CD72: variants seen among roughly 807,000 people sequenced by gnomAD.
CD72 encodes the protein CD72 molecule, also known as B-cell differentiation antigen CD72.
In CD72, 28 loss-of-function variants were observed where a neutral mutation model predicts 50.7. That is an observed-to-expected ratio of 0.55 (90% CI 0.41 to 0.76). CD72 has a LOEUF of 0.76. Among genes scored for constraint, CD72 ranks in the 30% least tolerant of loss-of-function variants. The pLI, the probability that CD72 is intolerant of heterozygous loss-of-function variation, is 0.00. For missense variants in CD72, 403 were observed against 420.6 expected, an observed-to-expected ratio of 0.96 and a Z score of 0.37; for synonymous variants, 176 against 171.2, an observed-to-expected ratio of 1.03 and a Z score of -0.22.
In CD72 at chr9:35,610,595, C is replaced by T. The variant is rs376879160; in HGVS notation, c.*22+7G>A. 1.2e-6 allele frequency: 2 copies of T among 1,608,642 alleles called. No individual in the cohort carries two copies. Among genetic ancestry groups the T allele is most frequent in the South Asian group, 2.2e-5 (2 of 90,468 alleles). ...CCCCATGCCTCAGCCCCATCCCTCACTCTTACCAACTCAGTGCAAAGGACT... is the reference window on the plus strand; with the variant it reads ...CCCCATGCCTCAGCCCCATCCCTCATTCTTACCAACTCAGTGCAAAGGACT... On this transcript the variant is annotated splice_region_variant and intron_variant, in intron 8 of 8. Coordinates refer to ENST00000259633, the MANE Select transcript of CD72 (RefSeq NM_001782.3).
At chr9:35,619,234 AGGT>A, upstream of CD72, among the ~76,000 whole-genome samples, 1 of 152,198 alleles carries the variant, frequency 6.6e-6, no homozygotes, top group African/African-American at 2.4e-5. Context: ...AGGCCCTCAT[AGGT>A]GGTGGGGGCC....
intron 1 of CD72, among the ~76,000 whole-genome samples, chr9:35,632,459 T>C (rs1250366726): frequency 6.6e-6 from 1 of 152,102 alleles, no homozygotes; most frequent in Admixed American, 6.5e-5. Flanking sequence ...CTTGAGCCAC[T>C]GTGCCCGGCC....
chr9:35,630,128 TC>T (rs202035082), intron 1 of CD72, among the ~76,000 whole-genome samples: 2,161 of 142,922 alleles, frequency 0.015, 55 homozygotes, highest in African/African-American at 0.052. Flanking sequence ...AACCTCCACC[TC>T]CCGGGTTCAA....
chr9:35,617,356 T>A, intron 2 of CD72, 109 bp from the exon 3 acceptor site: 1 of 1,277,562 alleles, frequency 7.8e-7, no homozygotes, highest in Non-Finnish European at 1.1e-6. Context: ...CTGCCCTACG[T>A]TGCCTGCTAG....
At chr9:35,634,313 C>T (rs111613205) in intron 1 of CD72, among the ~76,000 whole-genome samples, 1 of 152,118 alleles carries the variant, frequency 6.6e-6, no homozygotes, top group Non-Finnish European at 1.5e-5. Context: ...TTCCAGAATA[C>T]TTTAATTACC....
At chr9:35,618,634 C>T, upstream of CD72, 1 of 613,338 alleles carries the variant, frequency 1.6e-6, no homozygotes, top group Non-Finnish European at 2.6e-6. Flanking sequence ...ATGGGCCATG[C>T]TGGGCCCCAA....
rs749903462 is a variant in CD72, at chr9:35,616,556, A to C, written c.352+44T>G. On this transcript the variant is annotated intron_variant, in intron 4 of 8. Transcript: ENST00000259633. Reference sequence around the variant, plus strand: ...CAGCTTTGGGGCGAGAGTCGGGACGAAAGTCGTTCGGTGTAAGTGGGAAGT... The same window carrying C: ...CAGCTTTGGGGCGAGAGTCGGGACGCAAGTCGTTCGGTGTAAGTGGGAAGT... 38 of 1,469,270 alleles carry C rather than the reference A, an allele frequency of 2.6e-5. 5 individuals are homozygous for C. The Admixed American group carries it at 3.3e-4, about 13-fold the overall frequency. 91.0% of individuals were successfully genotyped at this position (1,469,270 alleles called of 1,614,324 possible). A position where few individuals can be genotyped will look rare whatever the true frequency, so the allele number is the denominator to read the frequency against.
intron 8 of CD72, 59 bp downstream of exon 8, chr9:35,610,541 CCT>C: frequency 7.7e-7 from 1 of 1,301,458 alleles, no homozygotes; most frequent in South Asian, 1.5e-5. Context: ...GCTCTGAGTC[CCT>C]GCTCTGAGTC....
At chr9:35,624,561 C>G (rs1823177763) in intron 1 of CD72, among the ~76,000 whole-genome samples, 2 of 152,080 alleles carry the variant, frequency 1.3e-5, no homozygotes, top group Admixed American at 1.3e-4. Context: ...GTGACTGAAC[C>G]TGATTGCCTG....
upstream of CD72, chr9:35,618,864 G>C: frequency 2.3e-6 from 2 of 855,170 alleles, no homozygotes; most frequent in South Asian, 2.9e-5. Flanking sequence ...TCAGGAACAG[G>C]CCTGGGCCAG....
At chr9:35,617,567 T>A (rs538323341) in intron 2 of CD72, among the ~76,000 whole-genome samples, 1 of 152,088 alleles carries the variant, frequency 6.6e-6, no homozygotes, top group Admixed American at 6.5e-5. Context: ...CCATCACCTC[T>A]TTTCCCTCCC....
Position 35,617,204 on chromosome 9 carries a change from C to G in CD72, c.234G>C (p.Thr78=). 1 of 1,569,492 alleles carries G rather than the reference C, an allele frequency of 6.4e-7. No homozygotes were observed. Among genetic ancestry groups the G allele is most frequent in the Non-Finnish European group, 8.6e-7 (1 of 1,156,768 alleles). Residue 78 remains threonine (T), a synonymous_variant, in exon 3 of 9, where the codon ACG becomes ACC. Coordinates refer to ENST00000259633, the MANE Select transcript of CD72 (RefSeq NM_001782.3). ...GGAGAATCCGCCCGACAGCTGGTGA[C>G]GTCACGGCTCTCCAGGACGCAGTTG... is the stretch of plus-strand genomic sequence containing the variant. The part of the protein sequence containing the change: ...EQPTASWRAV[T]SPAVGRILPC...
intron 5 of CD72, among the ~76,000 whole-genome samples, chr9:35,614,777 G>T (rs976488981): frequency 6.6e-6 from 1 of 152,096 alleles, no homozygotes; most frequent in Non-Finnish European, 1.5e-5. Context: ...GAGGCAGGAG[G>T]ATCGCTTGAG....
chr9:35,619,060 G>A (rs1823114644), upstream of CD72, among the ~76,000 whole-genome samples: 3 of 152,226 alleles, frequency 2.0e-5, no homozygotes, highest in Non-Finnish European at 2.9e-5. Flanking sequence ...GAGGCCGAGC[G>A]CAGATTCCGG....
chr9:35,611,480 G>A (rs893152852), intron 7 of CD72, among the ~76,000 whole-genome samples: 5 of 152,290 alleles, frequency 3.3e-5, no homozygotes, highest in African/African-American at 7.2e-5. Context: ...TGGCCTTCTC[G>A]AAGGATGGAG....
intron 8 of CD72, 65 bp downstream of exon 8, chr9:35,610,524 GGCCCCTGCTCTGA>G (rs1376130440): frequency 2.8e-6 from 3 of 1,059,732 alleles, no homozygotes; most frequent in African/African-American, 1.6e-5. Context: ...CGGGCCCCTG[GGCCCCTGCTCTGA>G]GTCCCTGCTC....
At chr9:35,639,405 C>G (rs1823319641) in intron 1 of CD72, among the ~76,000 whole-genome samples, 1 of 151,936 alleles carries the variant, frequency 6.6e-6, no homozygotes, top group African/African-American at 2.4e-5. Flanking sequence ...ATCTAAAGGT[C>G]AAGACAGTAC....
chr9:35,629,198 G>A (rs1434851902), intron 1 of CD72, among the ~76,000 whole-genome samples: 2 of 152,070 alleles, frequency 1.3e-5, no homozygotes, highest in East Asian at 3.9e-4. Flanking sequence ...TTTACTTTAA[G>A]CTGCATGTCC....
Position 35,612,987 on chromosome 9 carries a change from C to T in CD72, c.695G>A (p.Cys232Tyr). The T allele has an allele frequency of 6.2e-7, 1 of 1,608,714 alleles. No homozygotes were observed. Among genetic ancestry groups the T allele is most frequent in the Non-Finnish European group, 8.5e-7 (1 of 1,176,426 alleles). Residue 232 changes from cysteine to tyrosine, a missense_variant, in exon 6 of 9, where the codon TGC (cysteine) becomes TAC (tyrosine). By Grantham distance (194) the Cys-to-Tyr change is radical. Coordinates refer to ENST00000259633, the MANE Select transcript of CD72 (RefSeq NM_001782.3). ...PFFTCGSADT[C>Y]CPSGWIMHQK... is the part of the protein sequence containing the mutation. ...ATGCATTATCCATCCCGACGGACAG[C>T]AGGTGTCTAAAAAGCAGAAAGAGTG...
Sources: allele counts gnomAD v4.1 joint callset (sites outside exome capture counted in the v4.1 genomes callset), GRCh38; gene constraint gnomAD v4.1.1; transcripts MANE v1.5; gene names NCBI Gene and HGNC (gene_info 2026-07-23, HGNC 2026-07-21).